Variants in JAK1 observed in about 807,000 individuals in gnomAD.
JAK1 encodes tyrosine-protein kinase JAK1.
In JAK1, 16 loss-of-function variants were observed where a neutral mutation model predicts 136.6. The ratio of observed to expected loss-of-function variants is 0.12; its 90% CI spans 0.08 to 0.18. The LOEUF (loss-of-function observed/expected upper bound fraction) is 0.18, where lower values mean the gene tolerates loss of function less well. Among genes scored for constraint, JAK1 ranks in the 10% least tolerant of loss-of-function variants. The pLI, the probability that JAK1 is intolerant of heterozygous loss-of-function variation, is 1.00. For synonymous variants in JAK1, 492 were observed against 519.5 expected (o/e 0.95, Z 0.72); for missense variants, 859 against 1,450.1 (o/e 0.59, Z 6.62).
chr1:64,850,668 C>T (rs1655527002), intron 12 of JAK1, 136 bp downstream of exon 12: 2 of 655,766 alleles, frequency 3.0e-6, no homozygotes, highest in African/African-American at 1.8e-5. Context: ...CGGCTTTTGC[C>T]ATCAAAGGAA....
chr1:64,853,939 G>C (rs1316978001), intron 11 of JAK1, among the ~76,000 whole-genome samples: 1 of 152,186 alleles, frequency 6.6e-6, no homozygotes, highest in African/African-American at 2.4e-5. Flanking sequence ...CCTCAACTGG[G>C]GTTCGTTCCA....
chr1:64,986,005 C>A (rs531604857), intron 2 of JAK1: 2 of 1,342,616 alleles, frequency 1.5e-6, no homozygotes, highest in East Asian at 2.5e-5. Flanking sequence ...GCATTGATGA[C>A]CCCAGTGTTG....
intron 1 of JAK1, among the ~76,000 whole-genome samples, chr1:64,902,260 TCTC>T (rs1179280856): frequency 6.6e-6 from 1 of 152,124 alleles, no homozygotes; most frequent in Non-Finnish European, 1.5e-5. Flanking sequence ...TTAGTGCTCT[TCTC>T]AGCACGATAC....
intron 2 of JAK1, among the ~76,000 whole-genome samples, chr1:65,031,822 A>C (rs1647026155): frequency 6.6e-6 from 1 of 152,162 alleles, no homozygotes; most frequent in Non-Finnish European, 1.5e-5. Flanking sequence ...ATGAGCTAAA[A>C]CAATTGATGA....
At chr1:64,998,276 C>T (rs1260445722) in intron 2 of JAK1, among the ~76,000 whole-genome samples, 2 of 152,162 alleles carry the variant, frequency 1.3e-5, no homozygotes, top group Non-Finnish European at 2.9e-5. Context: ...AAAGAGACAA[C>T]AGCTGGGAAT....
intron 2 of JAK1, among the ~76,000 whole-genome samples, chr1:64,884,001 T>A (rs1644816427): frequency 1.3e-5 from 2 of 151,926 alleles, no homozygotes; most frequent in African/African-American, 4.8e-5. Context: ...TCTCTTCACA[T>A]CCCCACCTGA....
At chr1:64,836,040 G>C (rs1654459798) in intron 23 of JAK1, 58 bp downstream of exon 23, 1 of 902,602 alleles carries the variant, frequency 1.1e-6, no homozygotes, top group Non-Finnish European at 1.8e-6. Flanking sequence ...ACCAAGCAGA[G>C]GGATGGACAC....
At chr1:65,048,945 G>A (rs1326113130) in intron 1 of JAK1, among the ~76,000 whole-genome samples, 1 of 152,222 alleles carries the variant, frequency 6.6e-6, no homozygotes, top group Non-Finnish European at 1.5e-5. Context: ...AAAAGCAAAT[G>A]AAATCTTTGA....
intron 1 of JAK1, among the ~76,000 whole-genome samples, chr1:64,926,670 C>T (rs75235470): frequency 0.02 from 3,099 of 152,188 alleles, 118 homozygotes; most frequent in African/African-American, 0.072. Context: ...ATATTAGTTC[C>T]ATTTTACTGA....
rs370789884 is a variant in JAK1, at chr1:65,011,400, C to T, written c.-78+33080G>A. 1.6e-4 allele frequency among the ~76,000 whole-genome samples: 25 copies of T among 151,990 alleles called. 1 individual carries two copies. Among genetic ancestry groups the T allele is most frequent in the Admixed American group, 5.9e-4 (9 of 15,256 alleles). ...CTGAGGCAGGAGGATCACTTGAGCC[C>T]GGAAGATCGAAGCTGTAGCAGCCTG... On this transcript the variant is annotated intron_variant, in intron 2 of 25. Transcript: ENST00000671954.
chr1:64,884,321 TTTC>T (rs149843159), intron 2 of JAK1, among the ~76,000 whole-genome samples: 3,965 of 152,274 alleles, frequency 0.026, 78 homozygotes, highest in Non-Finnish European at 0.04. Context: ...CTACACATTC[TTTC>T]TTCTTCTTGC....
intron 2 of JAK1, among the ~76,000 whole-genome samples, chr1:64,978,284 AAAAC>A (rs1218415668): frequency 2.0e-5 from 3 of 152,238 alleles, no homozygotes; most frequent in South Asian, 2.1e-4. Flanking sequence ...TCTCAAAAAT[AAAAC>A]AAACAAAGAA....
chr1:65,002,066 T>G (rs1646763436), intron 2 of JAK1, among the ~76,000 whole-genome samples: 1 of 151,916 alleles, frequency 6.6e-6, no homozygotes, highest in African/African-American at 2.4e-5. Context: ...TTACAATAGG[T>G]GCCCTGATCC....
At chr1:64,910,456 C>T (rs546491393) in intron 1 of JAK1, among the ~76,000 whole-genome samples, 11 of 152,106 alleles carry the variant, frequency 7.2e-5, no homozygotes, top group South Asian at 2.1e-4. Context: ...TAAATTTCTC[C>T]GGGGGAAGAG....
At chr1:64,959,653 TTTAAA>T (rs1407147732) in intron 1 of JAK1, among the ~76,000 whole-genome samples, 4 of 152,218 alleles carry the variant, frequency 2.6e-5, no homozygotes, top group African/African-American at 9.6e-5. Flanking sequence ...TGGATGGCAC[TTTAAA>T]TTAAATAAAA....
At position 64,869,241 on chromosome 1, in the gene JAK1, G is replaced by A. The variant is rs1054989251; in HGVS notation, c.647+70C>T. ...GCCAAACCCTGGCAGTAATTAAGCTGAAATGTGTAAGAACATGTAGAAACA... is the reference window on the plus strand; with the variant it reads ...GCCAAACCCTGGCAGTAATTAAGCTAAAATGTGTAAGAACATGTAGAAACA... On this transcript the variant is annotated intron_variant, in intron 6 of 24. Transcript: ENST00000342505. 14 of 1,455,178 alleles carry A rather than the reference G, an allele frequency of 9.6e-6. No homozygotes were observed. In the African/African-American group the frequency reaches 1.9e-4, roughly 20 times the overall value. 90.1% of individuals were successfully genotyped at this position (1,455,178 alleles called of 1,614,324 possible).
Position 64,844,329 on chromosome 1 carries a change from C to T in JAK1, c.2252-114G>A. The stretch of plus-strand genomic sequence containing the variant: ...TGAAGGAACTACTTCAAGCAGTGTG[C>T]CCAAACATGGCCCATGGCCACATAG... On this transcript the variant is annotated intron_variant, in intron 16 of 24. Coordinates refer to ENST00000342505, the MANE Select transcript of JAK1 (RefSeq NM_002227.4). This position sits in a 1 kb window ranked among gnomAD's most constrained non-coding sequence, Gnocchi z 5.7. 1 of 1,399,636 alleles carries T rather than the reference C, an allele frequency of 7.1e-7. No individual in the cohort carries two copies. Among genetic ancestry groups the T allele is most frequent in the Non-Finnish European group, 1.0e-6 (1 of 998,420 alleles). 86.7% of individuals were successfully genotyped at this position (1,399,636 alleles called of 1,614,324 possible).
intron 7 of JAK1, among the ~76,000 whole-genome samples, chr1:64,865,237 A>C (rs1396570528): frequency 6.6e-6 from 1 of 152,212 alleles, no homozygotes; most frequent in African/African-American, 2.4e-5. Flanking sequence ...ATGTGCACGG[A>C]AACTCAGAAA....
chr1:64,994,374 A>C (rs943552519), intron 2 of JAK1, among the ~76,000 whole-genome samples: 2 of 152,238 alleles, frequency 1.3e-5, no homozygotes, highest in Admixed American at 6.5e-5. Context: ...CGGAAGGAAC[A>C]TATCTTAGTT....
Sources: allele counts gnomAD v4.1 joint callset (sites outside exome capture counted in the v4.1 genomes callset), GRCh38; gene constraint gnomAD v4.1.1; non-coding constraint Gnocchi (gnomAD v3.1); transcripts MANE v1.5; gene names NCBI Gene and HGNC (gene_info 2026-07-23, HGNC 2026-07-21).